PRDX4: variants seen among roughly 807,000 people sequenced by gnomAD.
PRDX4 encodes the protein peroxiredoxin 4.
PRDX4 carries 12 observed loss-of-function variants against 20.5 expected under a neutral mutation model. The observed-to-expected ratio is 0.58, with a 90% CI of 0.37 to 0.95. PRDX4 has a LOEUF of 0.95. PRDX4 is among the 40% of genes least tolerant of loss of function. The pLI, the probability that PRDX4 is intolerant of heterozygous loss-of-function variation, is 0.01. For synonymous variants in PRDX4, 99 were observed against 87.5 expected (o/e 1.13, Z -0.73); for missense variants, 180 against 207.3 (o/e 0.87, Z 0.81).
Position 23,675,121 on chromosome X carries a change from C to A in PRDX4, c.476+15C>A. ...CATTTGGCCTGGTCAGTATCTTACA[C>A]TTATATTCGTAGAAAAAAAAGAATG... is the stretch of plus-strand genomic sequence containing the variant. On this transcript the variant is annotated intron_variant, in intron 3 of 6. Transcript: ENST00000379341. 8.3e-7 allele frequency: 1 copy of A among 1,210,961 alleles called. No individual in the cohort carries two copies.
intron 4 of PRDX4, among the ~76,000 whole-genome samples, chrX:23,680,810 C>CTGAG (rs1928052444): frequency 9.0e-6 from 1 of 110,509 alleles, no homozygotes; most frequent in Admixed American, 9.7e-5. Context: ...ACTCAAGAGG[C>CTGAG]TGAGATAAGA....
intron 1 of PRDX4, among the ~76,000 whole-genome samples, chrX:23,669,562 ACT>A (rs1927803230): frequency 1.8e-5 from 2 of 111,754 alleles, no homozygotes; most frequent in Non-Finnish European, 3.8e-5. Flanking sequence ...TAATTAATTT[ACT>A]GTTTCCTTTA....
At chrX:23,676,456 A>T (rs947478441) in intron 3 of PRDX4, among the ~76,000 whole-genome samples, 1 of 110,959 alleles carries the variant, frequency 9.0e-6, no homozygotes, top group Non-Finnish European at 1.9e-5. Flanking sequence ...CATTATAAAT[A>T]ACTTAACATA....
In PRDX4 at chrX:23,667,515, G is replaced by A. The variant is rs772355156; in HGVS notation, c.-56G>A. 4 of 1,126,683 alleles carry A rather than the reference G, an allele frequency of 3.6e-6. No individual in the cohort carries two copies. The African/African-American group carries it at 7.2e-5, about 20-fold the overall frequency. The allele number at this position is 1,126,683 out of a possible 1,213,427, so 92.9% of individuals were successfully genotyped here. A position where few individuals can be genotyped will look rare whatever the true frequency, so the allele number is the denominator to read the frequency against. On this transcript the variant is annotated 5_prime_UTR_variant, in exon 1 of 7. Transcript: ENST00000379341. Reference sequence around the variant, plus strand: ...GTCGTGCACGCGGTTGTAGCTGCCCGGCGGCGGCAGAAGCGGCGCTCGCGC... The same window carrying A: ...GTCGTGCACGCGGTTGTAGCTGCCCAGCGGCGGCAGAAGCGGCGCTCGCGC...
intron 5 of PRDX4, among the ~76,000 whole-genome samples, chrX:23,682,853 A>AAAAAATAT (rs1555933130): frequency 1.1e-3 from 17 of 14,878 alleles, no homozygotes; most frequent in Non-Finnish European, 1.5e-3. Flanking sequence ...AAAAAAAAAA[A>AAAAAATAT]ATATATATAT....
chrX:23,668,136 C>T (rs750243059), intron 1 of PRDX4, among the ~76,000 whole-genome samples: 3 of 112,630 alleles, frequency 2.7e-5, no homozygotes, highest in Non-Finnish European at 5.6e-5. Flanking sequence ...CTCAAAGTGC[C>T]TTCAGCACAT....
chrX:23,680,972 G>A (rs910515036), intron 4 of PRDX4, among the ~76,000 whole-genome samples: 7 of 111,830 alleles, frequency 6.3e-5, no homozygotes, highest in Admixed American at 2.9e-4. Flanking sequence ...GCTCACGCCT[G>A]TAATCCCAGC....
At chrX:23,671,495 G>A (rs1927840831) in intron 1 of PRDX4, 34 bp from the exon 2 acceptor site, 3 of 1,073,287 alleles carry the variant, frequency 2.8e-6, no homozygotes, top group African/African-American at 1.8e-5. Flanking sequence ...AACTTTCTCA[G>A]TGTTACAGAA....
At chrX:23,669,801 C>T (rs2146785386) in intron 1 of PRDX4, among the ~76,000 whole-genome samples, 1 of 110,116 alleles carries the variant, frequency 9.1e-6, no homozygotes, top group East Asian at 2.8e-4. Context: ...CCTGTAATCC[C>T]AGCTACTGGG....
chrX:23,673,819 C>T, intron 2 of PRDX4, among the ~76,000 whole-genome samples: 1 of 109,264 alleles, frequency 9.2e-6, no homozygotes. Flanking sequence ...ATTAAAAATA[C>T]ATTTTATAGC....
chrX:23,678,672 C>T (rs1222221045), intron 3 of PRDX4, among the ~76,000 whole-genome samples: 3 of 110,786 alleles, frequency 2.7e-5, no homozygotes, highest in South Asian at 3.9e-4. Flanking sequence ...CAATGGCTCA[C>T]GGCTATAATC....
chrX:23,678,927 A>T (rs1281475679), intron 3 of PRDX4, among the ~76,000 whole-genome samples: 52 of 111,951 alleles, frequency 4.6e-4, no homozygotes, highest in Non-Finnish European at 8.3e-4. Flanking sequence ...AGACAGAGCA[A>T]GACCCTGTCT....
intron 6 of PRDX4, among the ~76,000 whole-genome samples, chrX:23,684,309 G>C (rs1928144584): frequency 1.8e-5 from 2 of 110,055 alleles, no homozygotes; most frequent in African/African-American, 6.6e-5. Flanking sequence ...TAATTCAGAG[G>C]TCTTATAGGT....
chrX:23,667,777 C>T lies in PRDX4; in HGVS notation c.207C>T (p.Val69=), dbSNP rs1474907266. The T allele has an allele frequency of 4.1e-6, 5 of 1,211,204 alleles. No homozygotes were observed. The highest frequency in any genetic ancestry group is 1.7e-5 in the African/African-American group (1 of 57,686). ...VYPGEASRVS[V]ADHSLHLSKA... is the part of the protein sequence containing the mutation. ...CGGGAGAGGCATCCCGGGTATCGGT[C>T]GCCGACCACTCCCTGCACCTAAGCA... The change falls in exon 1 of 7, where the codon GTC becomes GTT. Residue 69 remains valine (V), a synonymous_variant. Coordinates refer to ENST00000379341, the MANE Select transcript of PRDX4 (RefSeq NM_006406.2).
Position 23,682,525 on chromosome X carries a change from A to C in PRDX4, c.729A>C (p.Glu243Asp). ...QAFQYTDKHG[E>D]VCPAGWKPGS... is the part of the protein sequence containing the mutation. ...TCCAGTACACTGACAAACACGGAGA[A>C]GGTACCTCTCCCTTCTAACCTTTTG... Residue 243 changes from glutamate (E) to aspartate (D), a missense_variant and splice_region_variant, in exon 5 of 7, where the codon GAA becomes GAC. Glu to Asp is a conservative substitution (Grantham distance 45). Transcript: ENST00000379341. 8.7e-7 allele frequency: 1 copy of C among 1,153,301 alleles called. No homozygotes were observed.
At chrX:23,680,699 T>C (rs1928049484) in intron 4 of PRDX4, among the ~76,000 whole-genome samples, 1 of 108,867 alleles carries the variant, frequency 9.2e-6, no homozygotes. Context: ...GAGACTAGTC[T>C]GGGCAACATA....
intron 2 of PRDX4, among the ~76,000 whole-genome samples, chrX:23,674,198 TTTGAG>T (rs1253357921): frequency 1.8e-5 from 2 of 111,897 alleles, no homozygotes; most frequent in South Asian, 3.7e-4. Flanking sequence ...TAAAGCCAGC[TTTGAG>T]TTAAGATTGT....
intron 5 of PRDX4, among the ~76,000 whole-genome samples, chrX:23,682,825 C>CAAAAAAAAAAAAAA (rs568865999): frequency 1.0e-4 from 1 of 9,584 alleles, no homozygotes; most frequent in African/African-American, 4.8e-4. Flanking sequence ...TACTAAAAAT[C>CAAAAAAAAAAAAAA]AAAAAAAAAA....
chrX:23,681,833 C>T (rs1322348945), intron 4 of PRDX4, among the ~76,000 whole-genome samples: 2 of 111,910 alleles, frequency 1.8e-5, no homozygotes, highest in Non-Finnish European at 3.8e-5. Context: ...TCAAGTCCAG[C>T]AGTTTGAGAC....
Sources: allele counts gnomAD v4.1 joint callset (sites outside exome capture counted in the v4.1 genomes callset), GRCh38; gene constraint gnomAD v4.1.1; transcripts MANE v1.5; gene names NCBI Gene and HGNC (gene_info 2026-07-23, HGNC 2026-07-21).